Variants in RIPOR2 observed in about 807,000 individuals in gnomAD.
RIPOR2 encodes RHO family interacting cell polarization regulator 2.
Under a neutral mutation model 114.5 loss-of-function variants are expected in RIPOR2, and 39 were observed. That is an observed-to-expected ratio of 0.34 (90% CI 0.26 to 0.44). The LOEUF (loss-of-function observed/expected upper bound fraction) is 0.44, where lower values mean the gene tolerates loss of function less well. Ranked by LOEUF, RIPOR2 falls within the 20% of genes least tolerant of loss-of-function variation. The pLI is 1.00. For synonymous variants in RIPOR2, 445 were observed against 484.4 expected (o/e 0.92, Z 1.07); for missense variants, 1,007 against 1,255.1 (o/e 0.80, Z 2.99).
chr6:25,008,304 C>T (rs7748247), intron 1 of RIPOR2, among the ~76,000 whole-genome samples: 69,010 of 152,042 alleles, frequency 0.45, 16,778 homozygotes, highest in Non-Finnish European at 0.54. Context: ...GCGTGAGCCA[C>T]CGTGCCCAGC....
At chr6:24,971,715 G>A (rs1478774933) in intron 1 of RIPOR2, among the ~76,000 whole-genome samples, 2 of 152,234 alleles carry the variant, frequency 1.3e-5, no homozygotes, top group African/African-American at 4.8e-5. Flanking sequence ...GAGCTAGATG[G>A]AACCATGAAG....
intron 1 of RIPOR2, among the ~76,000 whole-genome samples, chr6:25,020,938 C>A (rs1048050935): frequency 6.6e-6 from 1 of 152,090 alleles, no homozygotes; most frequent in African/African-American, 2.4e-5. Flanking sequence ...CCCACGGCAA[C>A]CTCCGTCTTC....
intron 1 of RIPOR2, among the ~76,000 whole-genome samples, chr6:25,033,163 C>T (rs1055609559): frequency 3.3e-5 from 5 of 151,738 alleles, no homozygotes; most frequent in East Asian, 1.9e-4. Flanking sequence ...TCCAGTGAGC[C>T]GCGACGGCGC....
chr6:25,012,349 T>C (rs187437435), intron 1 of RIPOR2, among the ~76,000 whole-genome samples: 2 of 152,326 alleles, frequency 1.3e-5, no homozygotes, highest in East Asian at 3.9e-4. Flanking sequence ...GGAATTACCA[T>C]ATGATCCACC....
At chr6:24,914,339 A>G (rs577170698) in intron 1 of RIPOR2, among the ~76,000 whole-genome samples, 62 of 152,260 alleles carry the variant, frequency 4.1e-4, no homozygotes, top group Middle Eastern at 3.4e-3. Flanking sequence ...AACAACAACA[A>G]CAACCAAAAC....
chr6:24,972,313 A>G (rs1773825156), intron 1 of RIPOR2, among the ~76,000 whole-genome samples: 1 of 152,230 alleles, frequency 6.6e-6, no homozygotes, highest in Non-Finnish European at 1.5e-5. Context: ...AACAACAACA[A>G]AACAGGGCTA....
chr6:24,840,366 C>A, intron 13 of RIPOR2: 2 of 1,131,414 alleles, frequency 1.8e-6, no homozygotes, highest in Non-Finnish European at 2.2e-6. Context: ...CTTCCCTGAC[C>A]AGGCCCTGGC....
At chr6:24,871,282 C>T (rs1765138286) in intron 4 of RIPOR2, among the ~76,000 whole-genome samples, 1 of 152,190 alleles carries the variant, frequency 6.6e-6, no homozygotes, top group African/African-American at 2.4e-5. Flanking sequence ...GAATATAAAA[C>T]ATAGCAGTGG....
chr6:24,873,850 G>GGATTGGGCATCCAAAAGGAGTT, intron 2 of RIPOR2, 51 bp from the exon 3 acceptor site: 2 of 1,476,054 alleles, frequency 1.4e-6, no homozygotes, highest in African/African-American at 2.8e-5. Flanking sequence ...AAAAGGATTT[G>GGATTGGGCATCCAAAAGGAGTT]ACCAAAGAAA....
At chr6:24,826,868 T>C (rs1369143730) in intron 18 of RIPOR2, among the ~76,000 whole-genome samples, 1 of 151,960 alleles carries the variant, frequency 6.6e-6, no homozygotes, top group African/African-American at 2.4e-5. Flanking sequence ...AGAGGAGAGA[T>C]TGGAATTTCT....
intron 1 of RIPOR2, chr6:25,015,900 T>TTTG (rs1775962452): frequency 1.1e-5 from 1 of 88,826 alleles, no homozygotes; most frequent in Non-Finnish European, 2.2e-5. Context: ...TTTTTGGTTT[T>TTTG]TTTTTTTTTT....
chr6:24,916,831 T>C (rs1581792519), intron 1 of RIPOR2, among the ~76,000 whole-genome samples: 1 of 152,206 alleles, frequency 6.6e-6, no homozygotes, highest in South Asian at 2.1e-4. Context: ...GTCCCAAGAA[T>C]GAATGTCCCG....
intron 1 of RIPOR2, among the ~76,000 whole-genome samples, chr6:24,999,653 T>C (rs1298541319): frequency 6.6e-6 from 1 of 151,968 alleles, no homozygotes; most frequent in East Asian, 1.9e-4. Context: ...CCTCCCGGGT[T>C]CACGCCATTC....
At chr6:24,889,502 T>C (rs1154967) in intron 1 of RIPOR2, among the ~76,000 whole-genome samples, 11,761 of 152,262 alleles carry the variant, frequency 0.077, 650 homozygotes, top group Admixed American at 0.11. Context: ...AGGAAATTCA[T>C]AACACATAAC....
At chr6:24,936,438 CTTT>C (rs1022993704), upstream of RIPOR2, among the ~76,000 whole-genome samples, 1 of 152,018 alleles carries the variant, frequency 6.6e-6, no homozygotes, top group Non-Finnish European at 1.5e-5. Flanking sequence ...CTTTTCTTTT[CTTT>C]TCTTTTTTTC....
Position 24,977,537 on chromosome 6 carries a change from A to G in RIPOR2, c.76+64314T>C, listed in dbSNP as rs1774122185. Among the ~76,000 whole-genome samples, 5 of 152,344 alleles carry G rather than the reference A, an allele frequency of 3.3e-5. No individual in the cohort carries two copies. The South Asian group carries it at 1.0e-3, about 32-fold the overall frequency. On this transcript the variant is annotated intron_variant, in intron 1 of 13. Coordinates refer to the RIPOR2 transcript ENST00000510784. ...CCAAATATTTATCTCCAATATTGAA[A>G]TAAAGCATAGTAGTTCCATATTTTA...
At chr6:24,876,751 G>A (rs531561310) in intron 1 of RIPOR2, among the ~76,000 whole-genome samples, 39 of 152,304 alleles carry the variant, frequency 2.6e-4, no homozygotes, top group Admixed American at 2.6e-3. Flanking sequence ...AAGGTAAGAG[G>A]AAAATACAGC....
At chr6:25,032,326 T>C (rs946052578) in intron 1 of RIPOR2, among the ~76,000 whole-genome samples, 1 of 152,144 alleles carries the variant, frequency 6.6e-6, no homozygotes, top group African/African-American at 2.4e-5. Flanking sequence ...TTTCTTGATA[T>C]TGCCTGGTTC....
At chr6:24,978,032 C>T (rs1413126965) in intron 1 of RIPOR2, among the ~76,000 whole-genome samples, 3 of 152,200 alleles carry the variant, frequency 2.0e-5, no homozygotes, top group Non-Finnish European at 2.9e-5. Context: ...TGAATTGAAG[C>T]TTTCCTGCAA....
Sources: gnomAD v4.1 joint callset for allele counts (sites outside exome capture counted in the v4.1 genomes callset) on GRCh38, gnomAD v4.1.1 for gene constraint, MANE v1.5 for transcripts, NCBI Gene and HGNC (gene_info 2026-07-23, HGNC 2026-07-21) for gene names.